MSL3B: variants seen among roughly 807,000 people sequenced by gnomAD.
MSL3B encodes the protein MSL complex subunit 3 pseudogene 1.
At chr2:233,867,035 C>A in the MSL3B span, 2 of 1,254,324 alleles carry the variant, frequency 1.6e-6, no homozygotes, top group Non-Finnish European at 2.3e-6. Context: ...AAAGGCTGCA[C>A]TGATAGCAAA....
the MSL3B span, chr2:233,866,988 G>T: frequency 7.6e-7 from 1 of 1,314,118 alleles, no homozygotes; most frequent in Non-Finnish European, 1.1e-6. Context: ...CTGGCATGTG[G>T]CATAGCGTGA....
the MSL3B span, among the ~76,000 whole-genome samples, chr2:233,864,714 C>T: frequency 5.9e-5 from 9 of 152,198 alleles, no homozygotes; most frequent in African/African-American, 1.2e-4. Context: ...ATTGTCAGTT[C>T]GACATTTAAC....
chr2:233,868,222 AT>A, the MSL3B span: 1 of 443,116 alleles, frequency 2.3e-6, no homozygotes, highest in Non-Finnish European at 4.7e-6. Context: ...CAACAATAAC[AT>A]TAACAATCTA....
chr2:233,867,257 T>A, the MSL3B span: 1 of 754,560 alleles, frequency 1.3e-6, no homozygotes, highest in Non-Finnish European at 2.4e-6. Context: ...AATATCACAT[T>A]CTTCACTTAT....
chr2:233,864,696 T>C, the MSL3B span, among the ~76,000 whole-genome samples: 1 of 152,236 alleles, frequency 6.6e-6, no homozygotes, highest in African/African-American at 2.4e-5. Context: ...ACCCAATGTA[T>C]CTAAAATATT....
At chr2:233,866,041 T>C in the MSL3B span, 1 of 401,036 alleles carries the variant, frequency 2.5e-6, no homozygotes, top group Non-Finnish European at 4.8e-6. Flanking sequence ...TTTTGTGCTC[T>C]GGATAAAAAC....
chr2:233,867,684 G>A, the MSL3B span, among the ~76,000 whole-genome samples: 5 of 151,706 alleles, frequency 3.3e-5, no homozygotes, highest in African/African-American at 1.2e-4. Flanking sequence ...CACCATGTTG[G>A]CCAGGCGGGT....
At chr2:233,866,948 T>C in the MSL3B span, 1 of 1,419,460 alleles carries the variant, frequency 7.0e-7, no homozygotes, top group Non-Finnish European at 1.0e-6. Context: ...GTCAATATTC[T>C]TTTCTGCTGG....
At chr2:233,867,266 AT>A in the MSL3B span, 1 of 750,682 alleles carries the variant, frequency 1.3e-6, no homozygotes, top group Non-Finnish European at 2.5e-6. Context: ...TTCTTCACTT[AT>A]TTTTTCATCC....
At chr2:233,864,728 T>A in the MSL3B span, among the ~76,000 whole-genome samples, 5 of 152,220 alleles carry the variant, frequency 3.3e-5, no homozygotes, top group African/African-American at 4.8e-5. Flanking sequence ...ATTTAACCAA[T>A]GCTGAAAATT....
the MSL3B span, chr2:233,866,735 G>A: frequency 1.0e-4 from 81 of 795,246 alleles, 1 homozygote; most frequent in Non-Finnish European, 1.6e-4. Context: ...TGTAGACTGC[G>A]GCCTGGATGG....
the MSL3B span, among the ~76,000 whole-genome samples, chr2:233,867,852 G>A: frequency 6.8e-6 from 1 of 146,532 alleles, no homozygotes; most frequent in Non-Finnish European, 1.5e-5. Flanking sequence ...GAGTGCAATG[G>A]CGATCTCGGC....
chr2:233,867,262 AC>A, the MSL3B span: 1 of 751,552 alleles, frequency 1.3e-6, no homozygotes, highest in Non-Finnish European at 2.5e-6. Flanking sequence ...CACATTCTTC[AC>A]TTATTTTTTC....
chr2:233,867,186 T>C, the MSL3B span: 3 of 779,976 alleles, frequency 3.8e-6, no homozygotes, highest in East Asian at 2.4e-5. Flanking sequence ...GTTACTGTTC[T>C]TTCTTCCATT....
the MSL3B span, chr2:233,866,220 C>T: frequency 2.9e-6 from 2 of 681,632 alleles, no homozygotes; most frequent in East Asian, 6.6e-5. Flanking sequence ...TCGTGGTATT[C>T]TGCTAAAAAC....
the MSL3B span, chr2:233,866,670 G>C: frequency 1.3e-6 from 1 of 788,624 alleles, no homozygotes; most frequent in East Asian, 2.4e-5. Flanking sequence ...ACTGCTTGCG[G>C]CTCGGCTTTG....
At chr2:233,867,537 G>A in the MSL3B span, 11 of 282,464 alleles carry the variant, frequency 3.9e-5, no homozygotes, top group South Asian at 1.7e-4. Context: ...GTGCGGTGGC[G>A]CGGTCTCAGC....
the MSL3B span, chr2:233,868,240 A>G: frequency 1.5e-5 from 6 of 388,380 alleles, no homozygotes; most frequent in Non-Finnish European, 3.2e-5. Flanking sequence ...TCTAGGTCGG[A>G]CGGCGTCCGA....
chr2:233,865,662 C>CT, the MSL3B span: 1 of 153,756 alleles, frequency 6.5e-6, no homozygotes, highest in African/African-American at 2.4e-5. Context: ...CTCTAAAATA[C>CT]TTTGAGACTA....
Sources: allele counts gnomAD v4.1 joint callset (sites outside exome capture counted in the v4.1 genomes callset), GRCh38; gene constraint gnomAD v4.1.1; transcripts MANE v1.5; gene names NCBI Gene and HGNC (gene_info 2026-07-23, HGNC 2026-07-21).